Variants in OPRD1 observed in about 807,000 individuals in gnomAD.
OPRD1 encodes opioid receptor delta 1, also known as delta-type opioid receptor.
Under a neutral mutation model 17.5 loss-of-function variants are expected in OPRD1, and 19 were observed. The ratio of observed to expected loss-of-function variants is 1.09; its 90% CI spans 0.76 to 1.60. OPRD1 has a LOEUF of 1.60. Among genes scored for constraint, OPRD1 ranks in the 40% most tolerant of loss-of-function variants. The probability of loss-of-function intolerance (pLI) is 0.00; values close to 1 mark genes in which losing one functional copy is unlikely to be tolerated. For missense variants in OPRD1, 483 were observed against 547.2 expected (o/e 0.88, Z 1.17); for synonymous variants, 256 against 240.9 (o/e 1.06, Z -0.58).
chr1:28,853,811 A>G (rs1211210407), intron 1 of OPRD1, among the ~76,000 whole-genome samples: 3 of 151,368 alleles, frequency 2.0e-5, no homozygotes, highest in African/African-American at 7.3e-5. Context: ...CAGTGGCGCA[A>G]TCTCACTGCA....
intron 1 of OPRD1, among the ~76,000 whole-genome samples, chr1:28,844,750 T>C (rs76155162): frequency 0.056 from 8,581 of 152,128 alleles, 261 homozygotes; most frequent in South Asian, 0.092. Flanking sequence ...TTTGTTTTTG[T>C]TTTTTTGAGG....
At chr1:28,858,030 C>T (rs989399691) in intron 1 of OPRD1, among the ~76,000 whole-genome samples, 3 of 151,410 alleles carry the variant, frequency 2.0e-5, no homozygotes, top group Non-Finnish European at 2.9e-5. Context: ...CTCTGGACCT[C>T]GTGATCCGCC....
At chr1:28,849,750 T>A (rs1351112217) in intron 1 of OPRD1, among the ~76,000 whole-genome samples, 1 of 152,114 alleles carries the variant, frequency 6.6e-6, no homozygotes, top group Non-Finnish European at 1.5e-5. Context: ...CAAGGCTTCT[T>A]AGCATCCTCG....
chr1:28,866,600 G>A lies in OPRD1; in HGVS notation c.*3317G>A, dbSNP rs2089177126. ...TACTTGCTCCTAAGTCACAGGGCCT[G>A]TTCGTAGTGGCAGAACTTGGGTCCC... On this transcript the variant is annotated 3_prime_UTR_variant, in exon 3 of 3. Coordinates refer to ENST00000234961, the MANE Select transcript of OPRD1 (RefSeq NM_000911.4). The A allele has an allele frequency of 6.6e-6, 1 of 152,170 alleles. No homozygotes were observed. The highest frequency in any genetic ancestry group is 2.1e-4 in the South Asian group (1 of 4,830). The allele number at this position is 152,170 out of a possible 1,614,324, so 9.4% of individuals were successfully genotyped here.
Position 28,859,008 on chromosome 1 carries a change from C to G in OPRD1, c.282C>G (p.Ala94=), listed in dbSNP as rs768118650. 6.2e-7 allele frequency: 1 copy of G among 1,613,906 alleles called. No homozygotes were observed. The highest frequency in any genetic ancestry group is 1.1e-5 in the South Asian group (1 of 91,090). ...TCTACATCTTCAACCTGGCCTTAGCCGATGCGCTGGCCACCAGCACGCTGC... is the reference window on the plus strand; with the variant it reads ...TCTACATCTTCAACCTGGCCTTAGCGGATGCGCTGGCCACCAGCACGCTGC... The part of the protein sequence containing the change: ...TNIYIFNLAL[A]DALATSTLPF... The change falls in exon 2 of 3, where the codon GCC becomes GCG. Residue 94 remains alanine (A), a synonymous_variant. Coordinates refer to ENST00000234961, the MANE Select transcript of OPRD1 (RefSeq NM_000911.4).
In OPRD1 at chr1:28,846,897, C is replaced by T. The variant is rs59295584; in HGVS notation, c.228-12057C>T. Among the ~76,000 whole-genome samples, 255 of 126,530 alleles carry T rather than the reference C, an allele frequency of 2.0e-3. 1 individual carries two copies. The highest frequency in any genetic ancestry group is 7.1e-3 in the African/African-American group (243 of 34,382). The allele number at this position is 126,530 out of a possible 152,430, so 83.0% of individuals were successfully genotyped here. On this transcript the variant is annotated intron_variant, in intron 1 of 2. Coordinates refer to ENST00000234961, the MANE Select transcript of OPRD1 (RefSeq NM_000911.4). The stretch of plus-strand genomic sequence containing the variant: ...TTCTTTCTTTCTTTCTTTCTTTTCT[C>T]TTTCTTTCTTTTTCTTTCTTTCTTT...
intron 1 of OPRD1, among the ~76,000 whole-genome samples, chr1:28,819,918 C>T (rs1013093250): frequency 6.6e-6 from 1 of 152,116 alleles, no homozygotes; most frequent in African/African-American, 2.4e-5. Context: ...GGAATTACAT[C>T]CCAGCGGTGC....
intron 1 of OPRD1, among the ~76,000 whole-genome samples, chr1:28,820,754 G>A (rs956689677): frequency 2.0e-5 from 3 of 151,886 alleles, no homozygotes; most frequent in African/African-American, 7.3e-5. Flanking sequence ...GAAACTCAAG[G>A]TGACAGTGAG....
intron 1 of OPRD1, among the ~76,000 whole-genome samples, chr1:28,843,522 A>T (rs2088911738): frequency 6.6e-6 from 1 of 152,166 alleles, no homozygotes; most frequent in South Asian, 2.1e-4. Context: ...ATGTAAGTGG[A>T]ATCATTCAGT....
chr1:28,843,946 C>T (rs6697404), intron 1 of OPRD1, among the ~76,000 whole-genome samples: 8,597 of 152,198 alleles, frequency 0.056, 266 homozygotes, highest in South Asian at 0.091. Flanking sequence ...ATGAAGAATA[C>T]TGCTATGAAC....
chr1:28,863,364 T>C lies in OPRD1; in HGVS notation c.*81T>C. 11 of 1,362,534 alleles carry C rather than the reference T, an allele frequency of 8.1e-6. No homozygotes were observed. Among genetic ancestry groups the C allele is most frequent in the Non-Finnish European group, 1.0e-5 (11 of 1,055,266 alleles). The allele number at this position is 1,362,534 out of a possible 1,614,324, so 84.4% of individuals were successfully genotyped here. ...TCCCAGTGGGAGGCGCGAGCCATGATGTGGAGTGGGGCAGTAGAAGGTCGG... is the reference window on the plus strand; with the variant it reads ...TCCCAGTGGGAGGCGCGAGCCATGACGTGGAGTGGGGCAGTAGAAGGTCGG... On this transcript the variant is annotated 3_prime_UTR_variant, in exon 3 of 3. Coordinates refer to ENST00000234961, the MANE Select transcript of OPRD1 (RefSeq NM_000911.4).
chr1:28,855,891 A>G (rs916007545), intron 1 of OPRD1, among the ~76,000 whole-genome samples: 1 of 152,216 alleles, frequency 6.6e-6, no homozygotes, highest in Non-Finnish European at 1.5e-5. Flanking sequence ...CCAGCCCCAG[A>G]GCAAATGACA....
intron 1 of OPRD1, among the ~76,000 whole-genome samples, chr1:28,812,913 T>C (rs775268400): frequency 6.6e-6 from 1 of 152,230 alleles, no homozygotes; most frequent in African/African-American, 2.4e-5. Context: ...AGTTTGTGTG[T>C]CTGTCACAGT....
chr1:28,830,637 A>T lies in OPRD1; in HGVS notation c.227+18027A>T, dbSNP rs1009595860. ...ATTACCAAAATATGACATAGATACA[A>T]AGTGAGCACTTGCTGTTGGAATAAT... On this transcript the variant is annotated intron_variant, in intron 1 of 2. Coordinates refer to ENST00000234961, the MANE Select transcript of OPRD1 (RefSeq NM_000911.4). 4.6e-5 allele frequency among the ~76,000 whole-genome samples: 7 copies of T among 152,220 alleles called. No individual in the cohort carries two copies. The East Asian group carries it at 5.8e-4, about 13-fold the overall frequency.
intron 1 of OPRD1, among the ~76,000 whole-genome samples, chr1:28,822,047 G>C (rs2088718618): frequency 6.6e-6 from 1 of 151,800 alleles, no homozygotes; most frequent in African/African-American, 2.4e-5. Flanking sequence ...CGCCTCCTGG[G>C]TTCAAGCGAT....
rs2089146627 is a variant in OPRD1, at chr1:28,863,581, G to A, written c.*298G>A. Reference sequence around the variant, plus strand: ...TGACTCCAGGAGAGGAGCGGGACCTGTGGCTCTACAACTGAGTCCTTAAAC... The same window carrying A: ...TGACTCCAGGAGAGGAGCGGGACCTATGGCTCTACAACTGAGTCCTTAAAC... On this transcript the variant is annotated 3_prime_UTR_variant, in exon 3 of 3. Transcript: ENST00000234961. 1 of 368,438 alleles carries A rather than the reference G, an allele frequency of 2.7e-6. No individual in the cohort carries two copies. Among genetic ancestry groups the A allele is most frequent in the East Asian group, 4.4e-5 (1 of 22,922 alleles). 22.8% of individuals were successfully genotyped at this position (368,438 alleles called of 1,614,324 possible).
intron 1 of OPRD1, among the ~76,000 whole-genome samples, chr1:28,826,443 G>A (rs1485715611): frequency 6.6e-6 from 1 of 151,892 alleles, no homozygotes; most frequent in African/African-American, 2.4e-5. Context: ...TGGAGCCCAG[G>A]AGGTCAAGCC....
intron 1 of OPRD1, among the ~76,000 whole-genome samples, chr1:28,850,852 G>T (rs961914550): frequency 6.7e-6 from 1 of 150,180 alleles, no homozygotes; most frequent in Non-Finnish European, 1.5e-5. Context: ...TGGAAGAATC[G>T]AGAGATAACA....
At chr1:28,834,718 A>G (rs765239742) in intron 1 of OPRD1, among the ~76,000 whole-genome samples, 5 of 152,074 alleles carry the variant, frequency 3.3e-5, no homozygotes, top group Non-Finnish European at 5.9e-5. Flanking sequence ...TTTGTTAACG[A>G]GATTTGGTCT....
Sources: gnomAD v4.1 joint callset for allele counts (sites outside exome capture counted in the v4.1 genomes callset) on GRCh38, gnomAD v4.1.1 for gene constraint, MANE v1.5 for transcripts, NCBI Gene and HGNC (gene_info 2026-07-23, HGNC 2026-07-21) for gene names.